WDR64: variants seen among roughly 807,000 people sequenced by gnomAD.
WDR64 encodes WD repeat domain 64, also known as WD repeat-containing protein 64.
A neutral mutation model predicts 139.3 loss-of-function variants in WDR64; 112 were observed. The ratio of observed to expected loss-of-function variants is 0.80; its 90% confidence interval spans 0.69 to 0.94. The LOEUF is 0.94. Among genes scored for constraint, WDR64 ranks in the 40% least tolerant of loss-of-function variants. The pLI is 0.00. For synonymous variants in WDR64, 444 were observed against 437.7 expected (o/e 1.01, Z -0.18); for missense variants, 1,206 against 1,293.1 (o/e 0.93, Z 1.03).
At chr1:241,725,323 TAGGG>T (rs1668764216) in intron 10 of WDR64, among the ~76,000 whole-genome samples, 1 of 148,416 alleles carries the variant, frequency 6.7e-6, no homozygotes, top group African/African-American at 2.5e-5. Context: ...AACAAGAAAA[TAGGG>T]AGGAAACAGG....
intron 25 of WDR64, 38 bp downstream of exon 25, chr1:241,790,734 A>G: frequency 6.9e-7 from 1 of 1,439,732 alleles, no homozygotes; most frequent in East Asian, 2.3e-5. Flanking sequence ...AATGGCAACA[A>G]CAACAAAACC....
At chr1:241,729,032 A>T (rs1274276693) in intron 10 of WDR64, among the ~76,000 whole-genome samples, 2 of 152,120 alleles carry the variant, frequency 1.3e-5, no homozygotes, top group Non-Finnish European at 2.9e-5. Context: ...CTAAAACTGA[A>T]TTTATTTTCT....
chr1:241,733,081 A>G (rs945506323), intron 10 of WDR64, among the ~76,000 whole-genome samples: 1 of 152,162 alleles, frequency 6.6e-6, no homozygotes, highest in African/African-American at 2.4e-5. Context: ...AGTGACTTCA[A>G]TTACAAATTA....
At chr1:241,751,290 G>A (rs1669972146) in intron 14 of WDR64, among the ~76,000 whole-genome samples, 1 of 152,068 alleles carries the variant, frequency 6.6e-6, no homozygotes, top group South Asian at 2.1e-4. Context: ...AACTAAAAAG[G>A]GAACAAGCTT....
chr1:241,779,856 G>A (rs564967344), intron 21 of WDR64, 148 bp from the exon 22 acceptor site: 1 of 560,052 alleles, frequency 1.8e-6, no homozygotes, highest in Admixed American at 3.8e-5. Flanking sequence ...AAATAAAAAT[G>A]AATATGAAAT....
intron 19 of WDR64, among the ~76,000 whole-genome samples, chr1:241,771,962 A>G (rs1658468115): frequency 1.1e-5 from 1 of 91,854 alleles, no homozygotes; most frequent in African/African-American, 4.9e-5. Context: ...ATATATATAT[A>G]TATATATATA....
At chr1:241,786,184 C>G (rs1043235838) in intron 23 of WDR64, among the ~76,000 whole-genome samples, 1 of 152,218 alleles carries the variant, frequency 6.6e-6, no homozygotes, top group African/African-American at 2.4e-5. Flanking sequence ...AGGACACTGT[C>G]AAGTGGGAGA....
Position 241,738,490 on chromosome 1 carries a change from G to A in WDR64, c.1321+1G>A. 6.2e-7 allele frequency: 1 copy of A among 1,605,768 alleles called. No individual in the cohort carries two copies. The highest frequency in any genetic ancestry group is 8.5e-7 in the Non-Finnish European group (1 of 1,176,900). On this transcript the variant is annotated splice_donor_variant, in intron 11 of 27. Transcript: ENST00000437684. LOFTEE classifies it high-confidence loss of function. The stretch of plus-strand genomic sequence containing the variant: ...GCCAATCATGGCATGCTTATTACGG[G>A]TAAGTGTACCCAATTAATGTCAAAC...
intron 15 of WDR64, among the ~76,000 whole-genome samples, chr1:241,761,041 C>G (rs915446463): frequency 2.6e-5 from 4 of 152,114 alleles, no homozygotes; most frequent in African/African-American, 9.7e-5. Context: ...TCAAACTCCC[C>G]TTCACAGAAG....
At chr1:241,657,888 C>T (rs1665672117) in intron 1 of WDR64, among the ~76,000 whole-genome samples, 1 of 152,186 alleles carries the variant, frequency 6.6e-6, no homozygotes, top group Non-Finnish European at 1.5e-5. Context: ...AGACAGGGAA[C>T]ATTTCTAGCA....
chr1:241,776,788 A>T (rs898219303), intron 21 of WDR64, among the ~76,000 whole-genome samples: 2 of 152,254 alleles, frequency 1.3e-5, no homozygotes, highest in Non-Finnish European at 2.9e-5. Flanking sequence ...TTGAAACTAT[A>T]GAATTCCCAG....
rs184892284 is a variant in WDR64 at position 241,669,559 on chromosome 1, G to C, written c.277-1515G>C. Among the ~76,000 whole-genome samples the C allele has an allele frequency of 7.2e-5, 11 of 152,204 alleles. No individual in the cohort carries two copies. In the South Asian group the frequency reaches 1.5e-3, roughly 20 times the overall value. On this transcript the variant is annotated intron_variant, in intron 2 of 27. Transcript: ENST00000437684. Reference sequence around the variant, plus strand: ...CTTTTATTGAGTGCTAATTTTGCTGGTGGGAAAAAGGGAAAATACAAGCAA... The same window carrying C: ...CTTTTATTGAGTGCTAATTTTGCTGCTGGGAAAAAGGGAAAATACAAGCAA...
chr1:241,706,852 T>C (rs1379160092), intron 8 of WDR64, among the ~76,000 whole-genome samples: 1 of 152,246 alleles, frequency 6.6e-6, no homozygotes, highest in Non-Finnish European at 1.5e-5. Flanking sequence ...AATTGATTTT[T>C]AATTGTAGTG....
intron 13 of WDR64, among the ~76,000 whole-genome samples, chr1:241,748,397 G>A (rs750227780): frequency 1.3e-5 from 2 of 152,178 alleles, no homozygotes; most frequent in South Asian, 2.1e-4. Context: ...GCAAGGGCCC[G>A]CCTCCTGGTT....
Position 241,679,545 on chromosome 1 carries a change from A to C in WDR64, c.574A>C (p.Thr192Pro), listed in dbSNP as rs1666691800. The change falls in exon 6 of 28, where the codon ACC (threonine) becomes CCC (proline). Residue 192 changes from threonine (T) to proline (P), a missense_variant. Transcript: ENST00000437684. ...GCAGCTGAAACGAATCGTAGCCACA[A>C]CCGAAAGGACCATTATTGTCTGGGA... ...LLQLKRIVATTERTIIVWDYK... is the reference protein window; with the variant it reads ...LLQLKRIVATPERTIIVWDYK... The C allele has an allele frequency of 3.2e-6, 5 of 1,551,900 alleles. No individual in the cohort carries two copies. Among genetic ancestry groups the C allele is most frequent in the South Asian group, 1.2e-5 (1 of 84,064 alleles).
intron 3 of WDR64, among the ~76,000 whole-genome samples, chr1:241,674,255 T>TC (rs1666366728): frequency 1.0e-5 from 1 of 98,302 alleles, no homozygotes; most frequent in African/African-American, 3.4e-5. Context: ...TCTTTTTTTT[T>TC]CTTTTCTTTT....
intron 27 of WDR64, 73 bp downstream of exon 27, chr1:241,796,443 T>C (rs1253055759): frequency 1.9e-6 from 2 of 1,025,722 alleles, no homozygotes; most frequent in African/African-American, 3.3e-5. Context: ...TTTAAAAATA[T>C]GTCTCTGCTT....
At chr1:241,761,511 T>C (rs1657897515) in intron 15 of WDR64, among the ~76,000 whole-genome samples, 1 of 151,802 alleles carries the variant, frequency 6.6e-6, no homozygotes. Context: ...GTTGTTGTTC[T>C]TTTCCTTCTA....
intron 15 of WDR64, among the ~76,000 whole-genome samples, chr1:241,758,235 G>C (rs114228370): frequency 7.4e-4 from 107 of 143,724 alleles, no homozygotes; most frequent in African/African-American, 2.8e-3. Context: ...CTACAACATT[G>C]ATTTTTTTTT....
Sources: allele counts gnomAD v4.1 joint callset (sites outside exome capture counted in the v4.1 genomes callset), GRCh38; gene constraint gnomAD v4.1.1; transcripts MANE v1.5; gene names NCBI Gene and HGNC (gene_info 2026-07-23, HGNC 2026-07-21).